Variants in UBN1 observed in about 807,000 individuals in gnomAD.
UBN1 encodes ubinuclein-1.
In UBN1, 17 loss-of-function variants were observed where a neutral mutation model predicts 108.5. That is an observed-to-expected ratio of 0.16 (90% CI 0.11 to 0.24). The LOEUF is 0.24. UBN1 is among the 10% of genes least tolerant of loss of function. The pLI is 1.00. For missense variants in UBN1, 1,595 were observed against 1,394.4 expected (o/e 1.14, Z -2.29); for synonymous variants, 726 against 564.2 (o/e 1.29, Z -4.07).
chr16:4,875,534 C>A, intron 15 of UBN1, 100 bp downstream of exon 15: 1 of 1,484,752 alleles, frequency 6.7e-7, no homozygotes, highest in Non-Finnish European at 9.0e-7. Flanking sequence ...TCTAAAACCA[C>A]AGGTCAGGTA....
intron 12 of UBN1, among the ~76,000 whole-genome samples, chr16:4,871,750 C>G (rs1196371278): frequency 3.3e-5 from 5 of 151,946 alleles, no homozygotes; most frequent in Admixed American, 1.3e-4. Context: ...CCATGCCCGG[C>G]TAATTTTTTG....
rs77024852 is a variant in UBN1 at position 4,877,798 on chromosome 16, T to A, written c.3355+324T>A. On this transcript the variant is annotated intron_variant, in intron 17 of 17. Coordinates refer to ENST00000262376, the MANE Select transcript of UBN1 (RefSeq NM_001079514.3). The surrounding 1 kb of genome is among the most constrained non-coding windows in gnomAD (Gnocchi z 4.3). Reference sequence around the variant, plus strand: ...TCGGCTTGTTTTTTTCTCTTCAGTTTAAAAAAAAAAAAAAAGGGAAGGTAA... The same window carrying A: ...TCGGCTTGTTTTTTTCTCTTCAGTTAAAAAAAAAAAAAAAAGGGAAGGTAA... The A allele has an allele frequency of 0.33, 321,111 of 962,394 alleles. 44,062 individuals are homozygous for A. The highest frequency in any genetic ancestry group is 0.47 in the South Asian group (9,618 of 20,294). 59.6% of individuals were successfully genotyped at this position (962,394 alleles called of 1,614,324 possible). A position where few individuals can be genotyped will look rare whatever the true frequency, so the allele number is the denominator to read the frequency against.
At position 4,874,649 on chromosome 16, in the gene UBN1, G is replaced by C. The variant is rs1184824674; in HGVS notation, c.2239G>C (p.Gly747Arg). 1 of 1,614,046 alleles carries C rather than the reference G, an allele frequency of 6.2e-7. No homozygotes were observed. The highest frequency in any genetic ancestry group is 1.3e-5 in the African/African-American group (1 of 74,922). The change falls in exon 15 of 18, where the codon GGG becomes CGG. Residue 747 changes from glycine to arginine, a missense_variant. This residue lies in a region of UBN1 where 1,398 missense variants were observed against 1,194.7 expected (regional missense o/e 1.17). Transcript: ENST00000262376. ...NFLAEQALALGQSSQEKKPES... is the reference protein window; with the variant it reads ...NFLAEQALALRQSSQEKKPES... ...TCTGGCAGAACAGGCTCTGGCACTG[G>C]GGCAGTCCTCTCAGGAGAAAAAACC...
chr16:4,851,970 A>C (rs999409727), intron 1 of UBN1, among the ~76,000 whole-genome samples: 7 of 152,260 alleles, frequency 4.6e-5, no homozygotes, highest in African/African-American at 1.7e-4. Context: ...GTATAATATC[A>C]AGAGCGCTTA....
At chr16:4,873,469 A>G (rs1255580869) in intron 14 of UBN1, among the ~76,000 whole-genome samples, 2 of 152,256 alleles carry the variant, frequency 1.3e-5, no homozygotes, top group Non-Finnish European at 2.9e-5. Flanking sequence ...GCTACCAGGC[A>G]GAAATGGAGG....
intron 3 of UBN1, 68 bp from the exon 4 acceptor site, chr16:4,858,500 G>A: frequency 6.9e-7 from 1 of 1,448,126 alleles, no homozygotes; most frequent in East Asian, 2.3e-5. Context: ...AGCTGATGAA[G>A]TTCAAGGCCA....
In UBN1 at chr16:4,870,611, A is replaced by C; in HGVS notation, c.1407A>C (p.Ala469=). The change falls in exon 10 of 18, where the codon GCA becomes GCC. Residue 469 remains alanine (A), a synonymous_variant. Transcript: ENST00000262376. The stretch of plus-strand genomic sequence containing the variant: ...CCAAGTACCAGGACGAATGCCAGGC[A>C]CACACGCAGGCAAAGGTTGCCAAGT... The part of the protein sequence containing the change: ...QMAKYQDECQ[A]HTQAKVAKML... The C allele has an allele frequency of 6.2e-7, 1 of 1,614,220 alleles. No individual in the cohort carries two copies. The highest frequency in any genetic ancestry group is 2.2e-5 in the East Asian group (1 of 44,860).
At position 4,876,923 on chromosome 16, in the gene UBN1, C is replaced by G; in HGVS notation, c.3077C>G (p.Pro1026Arg). 1.2e-6 allele frequency: 2 copies of G among 1,613,960 alleles called. 1 individual carries two copies. ...GCCGGCTCCTCTTTGATGGCTTCACCCTACAAATCCAGCAGCCCAAAGCTG... is the reference window on the plus strand; with the variant it reads ...GCCGGCTCCTCTTTGATGGCTTCACGCTACAAATCCAGCAGCCCAAAGCTG... ...LLAGSSLMAS[P>R]YKSSSPKLSG... Residue 1026 changes from proline (P) to arginine (R), a missense_variant, in exon 16 of 18, where the codon CCC becomes CGC. Pro to Arg is a moderately radical substitution (Grantham distance 103). Around this residue, in one of 3 missense-constraint regions of UBN1, gnomAD observed 1,398 missense variants for 1,194.7 expected, o/e 1.17. Transcript: ENST00000262376.
chr16:4,873,149 CTG>C, intron 14 of UBN1, 76 bp downstream of exon 14: 6 of 1,588,038 alleles, frequency 3.8e-6, no homozygotes, highest in Non-Finnish European at 4.3e-6. Context: ...AGTCAAGTGA[CTG>C]TGGAAGCTCA....
At chr16:4,865,406 C>T (rs200216479) in intron 7 of UBN1, among the ~76,000 whole-genome samples, 6 of 152,000 alleles carry the variant, frequency 3.9e-5, no homozygotes, top group East Asian at 3.9e-4. Flanking sequence ...TTTGGCAGGG[C>T]GCGGTGGCTC....
At chr16:4,870,396 C>G in intron 9 of UBN1, 55 bp downstream of exon 9, 1 of 1,611,286 alleles carries the variant, frequency 6.2e-7, no homozygotes, top group Non-Finnish European at 8.5e-7. Context: ...GGAGGGGTGA[C>G]TGAGTCTTAA....
intron 1 of UBN1, chr16:4,848,525 T>A (rs898453930): frequency 2.6e-5 from 4 of 152,220 alleles, no homozygotes; most frequent in Non-Finnish European, 5.9e-5. Context: ...CGACACGCAT[T>A]TCCCCAAGGC....
chr16:4,854,768 G>C (rs984663745), intron 2 of UBN1, among the ~76,000 whole-genome samples: 3 of 151,700 alleles, frequency 2.0e-5, no homozygotes, highest in African/African-American at 7.3e-5. Context: ...TGTCGCCCAG[G>C]CTGGCATGCA....
In UBN1 at chr16:4,877,634, C is replaced by T; in HGVS notation, c.3355+160C>T. 7.4e-7 allele frequency: 1 copy of T among 1,358,426 alleles called. No individual in the cohort carries two copies. The highest frequency in any genetic ancestry group is 9.5e-7 in the Non-Finnish European group (1 of 1,057,760). The allele number at this position is 1,358,426 out of a possible 1,614,324, so 84.1% of individuals were successfully genotyped here. Reference sequence around the variant, plus strand: ...TGTGCTTTGTCAGTACTCAGGGTGACACGCACTTCTACTCTTGGGGTTTCC... The same window carrying T: ...TGTGCTTTGTCAGTACTCAGGGTGATACGCACTTCTACTCTTGGGGTTTCC... On this transcript the variant is annotated intron_variant, in intron 17 of 17. Transcript: ENST00000262376. The surrounding 1 kb of genome is among the most constrained non-coding windows in gnomAD (Gnocchi z 4.3).
chr16:4,855,844 A>G (rs896172366), intron 2 of UBN1, among the ~76,000 whole-genome samples: 2 of 152,248 alleles, frequency 1.3e-5, no homozygotes, highest in Admixed American at 6.5e-5. Context: ...GCTTGAACCC[A>G]GGAGGCAGAG....
At chr16:4,850,156 G>C (rs1376310619) in intron 1 of UBN1, among the ~76,000 whole-genome samples, 1 of 152,006 alleles carries the variant, frequency 6.6e-6, no homozygotes, top group Non-Finnish European at 1.5e-5. Flanking sequence ...GTTTCAAATG[G>C]CTTAGTAACA....
chr16:4,851,152 T>C (rs188948149), intron 1 of UBN1, among the ~76,000 whole-genome samples: 6 of 152,320 alleles, frequency 3.9e-5, no homozygotes, highest in South Asian at 4.1e-4. Context: ...CCTCATACTT[T>C]ATAGCATAGC....
chr16:4,854,077 A>AGGCT (rs1272742992), intron 2 of UBN1, among the ~76,000 whole-genome samples: 5 of 152,140 alleles, frequency 3.3e-5, no homozygotes, highest in Admixed American at 6.5e-5. Flanking sequence ...TCTGTCGCCC[A>AGGCT]GGCTGGAGTG....
At chr16:4,853,206 C>G (rs531773557) in intron 2 of UBN1, 40 bp downstream of exon 2, 14 of 1,607,518 alleles carry the variant, frequency 8.7e-6, no homozygotes, top group Non-Finnish European at 1.1e-5. Context: ...AGGTTTAACG[C>G]ACAGGGGTCA....
Sources: gnomAD v4.1 joint callset for allele counts (sites outside exome capture counted in the v4.1 genomes callset) on GRCh38, gnomAD v4.1.1 for gene constraint, gnomAD v4.1.1 regional missense constraint, Gnocchi (gnomAD v3.1) non-coding constraint, MANE v1.5 for transcripts, NCBI Gene and HGNC (gene_info 2026-07-23, HGNC 2026-07-21) for gene names.